OSBP2: variants seen among roughly 807,000 people sequenced by gnomAD.
The protein encoded by OSBP2 is oxysterol binding protein 2.
In OSBP2, 66 loss-of-function variants were observed where a neutral mutation model predicts 96.0. That is an observed-to-expected ratio of 0.69 (90% CI 0.56 to 0.84). OSBP2 has a LOEUF of 0.84. OSBP2 is among the 40% of genes least tolerant of loss of function. OSBP2 has a pLI of 0.00. For missense variants in OSBP2, 1,038 were observed against 1,222.7 expected (o/e 0.85, Z 2.25); for synonymous variants, 525 against 520.9 (o/e 1.01, Z -0.11).
intron 2 of OSBP2, among the ~76,000 whole-genome samples, chr22:30,772,159 C>T (rs1482280846): frequency 6.6e-6 from 1 of 152,196 alleles, no homozygotes; most frequent in South Asian, 2.1e-4. Context: ...AGGCACTGCC[C>T]TCTGGAGAGC....
intron 1 of OSBP2, 72 bp from the exon 2 acceptor site, chr22:30,741,089 C>T: frequency 1.7e-6 from 2 of 1,209,888 alleles, no homozygotes; most frequent in East Asian, 2.4e-5. Context: ...GAGGATTTGC[C>T]TGGAGGGTTT....
At chr22:30,837,156 G>A (rs1363952574) in intron 2 of OSBP2, among the ~76,000 whole-genome samples, 1 of 151,942 alleles carries the variant, frequency 6.6e-6, no homozygotes, top group East Asian at 1.9e-4. Context: ...CAGCTACTAG[G>A]GAGGCTGAGG....
chr22:30,742,086 C>T (rs1569105422), intron 2 of OSBP2, among the ~76,000 whole-genome samples: 3 of 151,420 alleles, frequency 2.0e-5, no homozygotes, highest in South Asian at 2.1e-4. Context: ...TCCCAAAGTA[C>T]TGGGATTACA....
intron 2 of OSBP2, among the ~76,000 whole-genome samples, chr22:30,763,637 G>GAAAA (rs136338): frequency 7.6e-6 from 1 of 130,964 alleles, no homozygotes; most frequent in Admixed American, 7.8e-5. Context: ...CAGAGTGACA[G>GAAAA]AAAAAAAAAA....
chr22:30,834,811 C>A (rs1339968218), intron 2 of OSBP2, among the ~76,000 whole-genome samples: 1 of 150,004 alleles, frequency 6.7e-6, no homozygotes, highest in African/African-American at 2.4e-5. Flanking sequence ...CTTTTCTTTT[C>A]TTTTCTTTTT....
chr22:30,739,066 T>TA (rs2089897212), intron 1 of OSBP2, among the ~76,000 whole-genome samples: 1 of 152,208 alleles, frequency 6.6e-6, no homozygotes, highest in Admixed American at 6.6e-5. Flanking sequence ...AAAGATTTAT[T>TA]ATGTCGTAGG....
chr22:30,760,112 C>T (rs1228429801), intron 2 of OSBP2, among the ~76,000 whole-genome samples: 1 of 151,860 alleles, frequency 6.6e-6, no homozygotes, highest in Non-Finnish European at 1.5e-5. Flanking sequence ...AGGTGATCCG[C>T]CTGCCTTGGT....
intron 2 of OSBP2, among the ~76,000 whole-genome samples, chr22:30,756,415 A>G (rs2090141339): frequency 6.6e-6 from 1 of 152,162 alleles, no homozygotes; most frequent in Non-Finnish European, 1.5e-5. Flanking sequence ...GGGGCCAGGC[A>G]TGGTGTCTCA....
intron 1 of OSBP2, among the ~76,000 whole-genome samples, chr22:30,704,696 C>T (rs1465235448): frequency 6.6e-6 from 1 of 152,028 alleles, no homozygotes; most frequent in Non-Finnish European, 1.5e-5. Flanking sequence ...GAACTCCTGA[C>T]CTCAGGTGAT....
At chr22:30,694,777 C>A (rs2088989931), upstream of OSBP2, 2 of 597,374 alleles carry the variant, frequency 3.3e-6, no homozygotes, top group Non-Finnish European at 4.2e-6. Flanking sequence ...GGGCACGGAG[C>A]GCACGGGACC....
chr22:30,722,674 TTTC>T (rs2145706271), intron 1 of OSBP2, among the ~76,000 whole-genome samples: 1 of 151,800 alleles, frequency 6.6e-6, no homozygotes, highest in South Asian at 2.1e-4. Flanking sequence ...TCTTTTTCTC[TTTC>T]TTTCTTTTCT....
chr22:30,780,982 T>A (rs186302236), intron 2 of OSBP2, among the ~76,000 whole-genome samples: 2,527 of 149,294 alleles, frequency 0.017, 62 homozygotes, highest in African/African-American at 0.054. Context: ...ATATTTAAAA[T>A]TTTTTTTTTT....
intron 2 of OSBP2, chr22:30,822,507 G>T (rs1335847035): frequency 9.7e-6 from 11 of 1,128,514 alleles, no homozygotes; most frequent in African/African-American, 4.0e-5. Context: ...ACGCGGCGCC[G>T]GGACCCACGA....
At chr22:30,888,828 A>G (rs529398762) in intron 5 of OSBP2, among the ~76,000 whole-genome samples, 1 of 152,358 alleles carries the variant, frequency 6.6e-6, no homozygotes, top group Non-Finnish European at 1.5e-5. Context: ...AGCCTGCCAC[A>G]CACCTGGGCT....
At chr22:30,830,144 T>C (rs1023169683) in intron 2 of OSBP2, among the ~76,000 whole-genome samples, 5 of 152,174 alleles carry the variant, frequency 3.3e-5, no homozygotes, top group Admixed American at 2.0e-4. Flanking sequence ...GGTTTTCCTA[T>C]AAAGTGCCAG....
intron 2 of OSBP2, among the ~76,000 whole-genome samples, chr22:30,745,608 A>C (rs2089989536): frequency 6.7e-6 from 1 of 150,318 alleles, no homozygotes; most frequent in Non-Finnish European, 1.5e-5. Flanking sequence ...CAGAGGTTGC[A>C]GCAAGCTGAG....
intron 2 of OSBP2, among the ~76,000 whole-genome samples, chr22:30,858,291 C>T (rs868003235): frequency 8.3e-4 from 125 of 151,162 alleles, no homozygotes; most frequent in Middle Eastern, 3.4e-3. Context: ...GGACTACAGG[C>T]GCCCGCCACC....
chr22:30,807,386 G>A (rs1411280789), intron 2 of OSBP2, among the ~76,000 whole-genome samples: 8 of 152,146 alleles, frequency 5.3e-5, no homozygotes, highest in Non-Finnish European at 1.2e-4. Context: ...ATGCCCTTCA[G>A]CCAGGGTGCC....
intron 2 of OSBP2, among the ~76,000 whole-genome samples, chr22:30,863,454 G>A (rs959166763): frequency 6.6e-6 from 1 of 152,164 alleles, no homozygotes; most frequent in African/African-American, 2.4e-5. Flanking sequence ...CCCACGTGGG[G>A]GTGGAATGTC....
Sources: gnomAD v4.1 joint callset for allele counts (sites outside exome capture counted in the v4.1 genomes callset) on GRCh38, gnomAD v4.1.1 for gene constraint, MANE v1.5 for transcripts, NCBI Gene and HGNC (gene_info 2026-07-23, HGNC 2026-07-21) for gene names.